The following SOX5 variants were observed in gnomAD, a reference collection of about 807,000 sequenced individuals.
SOX5 encodes the protein transcription factor SOX-5.
SOX5 carries 9 observed loss-of-function variants against 92.0 expected under a neutral mutation model. The ratio of observed to expected loss-of-function variants is 0.10; its 90% CI spans 0.06 to 0.17. The LOEUF (loss-of-function observed/expected upper bound fraction) is 0.17, where lower values mean the gene tolerates loss of function less well. Ranked by LOEUF, SOX5 falls within the 10% of genes least tolerant of loss-of-function variation. The pLI, the probability that SOX5 is intolerant of heterozygous loss-of-function variation, is 1.00. For synonymous variants in SOX5, 344 were observed against 336.3 expected, an observed-to-expected ratio of 1.02 and a Z score of -0.25; for missense variants, 642 against 944.5, an observed-to-expected ratio of 0.68 and a Z score of 4.20.
At position 23,825,090 on chromosome 12, in the gene SOX5, G is replaced by A. The variant is rs2096204081; in HGVS notation, c.481+20893C>T. ...TCCCTAGCTTCAGCCCCCTTTCCAG[G>A]GGGAGTGAACGGTTCTGTCTCTCTG... On this transcript the variant is annotated intron_variant, in intron 3 of 14. Coordinates refer to ENST00000451604, the MANE Select transcript of SOX5 (RefSeq NM_006940.6). Among the ~76,000 whole-genome samples the A allele has an allele frequency of 4.6e-5, 7 of 152,082 alleles. No homozygotes were observed. The South Asian group carries it at 1.5e-3, about 32-fold the overall frequency.
In SOX5 at chr12:23,552,860, C is replaced by T. The variant is rs183519367; in HGVS notation, c.1489-6436G>A. ...TTGAATGATAGGCCCTTTTCATTTT[C>T]TTTCAAACCTTCAATTCTATGATTT... On this transcript the variant is annotated intron_variant, in intron 11 of 14. Coordinates refer to ENST00000451604, the MANE Select transcript of SOX5 (RefSeq NM_006940.6). Among the ~76,000 whole-genome samples, 677 of 152,006 alleles carry T rather than the reference C, an allele frequency of 4.5e-3. 1 individual carries two copies. The highest frequency in any genetic ancestry group is 7.5e-3 in the Non-Finnish European group (506 of 67,844).
intron 2 of SOX5, among the ~76,000 whole-genome samples, chr12:24,300,356 G>T (rs1197882630): frequency 1.3e-5 from 2 of 152,158 alleles, no homozygotes; most frequent in African/African-American, 2.4e-5. Context: ...CTTAAAAATG[G>T]TGTTAAATGC....
chr12:24,346,254 G>A (rs1209151133), intron 2 of SOX5, among the ~76,000 whole-genome samples: 1 of 152,152 alleles, frequency 6.6e-6, no homozygotes, highest in East Asian at 1.9e-4. Flanking sequence ...GGTAAGAAAA[G>A]TCAGATGAGA....
chr12:23,543,900 A>G (rs1942622650), intron 12 of SOX5, among the ~76,000 whole-genome samples: 2 of 152,220 alleles, frequency 1.3e-5, no homozygotes, highest in African/African-American at 4.8e-5. Flanking sequence ...TTTGAGGTTA[A>G]AAACAATATA....
intron 4 of SOX5, among the ~76,000 whole-genome samples, chr12:24,060,700 C>T (rs17485141): frequency 0.24 from 37,137 of 151,968 alleles, 4,883 homozygotes; most frequent in Non-Finnish European, 0.29. Flanking sequence ...AGGTATGGAC[C>T]CACTCAAGCC....
At chr12:23,831,377 G>T (rs986140718) in intron 3 of SOX5, among the ~76,000 whole-genome samples, 2 of 151,918 alleles carry the variant, frequency 1.3e-5, no homozygotes, top group Non-Finnish European at 1.5e-5. Context: ...TCCCACAAAT[G>T]GTACAGGTGG....
intron 4 of SOX5, among the ~76,000 whole-genome samples, chr12:24,149,615 T>G (rs964679619): frequency 6.6e-6 from 1 of 152,168 alleles, no homozygotes; most frequent in African/African-American, 2.4e-5. Context: ...GGCAGTTTCA[T>G]AAAAAGTTAT....
chr12:24,261,335 C>G (rs1239748853), intron 3 of SOX5, among the ~76,000 whole-genome samples: 2 of 152,172 alleles, frequency 1.3e-5, no homozygotes. Flanking sequence ...CCATTAAGGA[C>G]TTTGTAGCAA....
At chr12:24,205,716 A>T (rs1594248029) in intron 4 of SOX5, among the ~76,000 whole-genome samples, 1 of 152,212 alleles carries the variant, frequency 6.6e-6, no homozygotes, top group Admixed American at 6.5e-5. Context: ...CGGTGGCTTC[A>T]ATGGTTTCCA....
At chr12:23,730,436 CAT>C (rs1304714281) in intron 6 of SOX5, among the ~76,000 whole-genome samples, 1 of 152,118 alleles carries the variant, frequency 6.6e-6, no homozygotes, top group African/African-American at 2.4e-5. Context: ...TTAAGAGTCT[CAT>C]AGAAAAGTGG....
chr12:23,972,314 T>A (rs1948433165), intron 4 of SOX5, among the ~76,000 whole-genome samples: 1 of 152,128 alleles, frequency 6.6e-6, no homozygotes, highest in African/African-American at 2.4e-5. Flanking sequence ...AATATCCTGG[T>A]CAGATTCCTA....
intron 4 of SOX5, among the ~76,000 whole-genome samples, chr12:23,963,262 AAC>A (rs1947159666): frequency 6.6e-6 from 1 of 152,188 alleles, no homozygotes; most frequent in African/African-American, 2.4e-5. Flanking sequence ...ATGCTGACAA[AAC>A]ACAGGAGAAT....
At chr12:24,190,414 T>C (rs1956407341) in intron 4 of SOX5, among the ~76,000 whole-genome samples, 1 of 152,194 alleles carries the variant, frequency 6.6e-6, no homozygotes, top group Non-Finnish European at 1.5e-5. Flanking sequence ...AGACACAAAA[T>C]ATTTCTTAAA....
chr12:23,948,413 T>C (rs1461739943), intron 1 of SOX5, among the ~76,000 whole-genome samples: 1 of 152,126 alleles, frequency 6.6e-6, no homozygotes, highest in East Asian at 1.9e-4. Context: ...TTGTCCTTTC[T>C]TTTTTCGTCT....
intron 4 of SOX5, among the ~76,000 whole-genome samples, chr12:24,041,846 A>T (rs780900933): frequency 6.6e-6 from 1 of 152,134 alleles, no homozygotes; most frequent in Non-Finnish European, 1.5e-5. Flanking sequence ...GTGACAGATG[A>T]CAAACTAATA....
chr12:23,691,845 T>C (rs1483167323), intron 6 of SOX5, among the ~76,000 whole-genome samples: 1 of 152,192 alleles, frequency 6.6e-6, no homozygotes, highest in Non-Finnish European at 1.5e-5. Context: ...ACTATATATT[T>C]GCCTCTTAGT....
rs1334585861 is a variant in SOX5 at position 24,307,507 on chromosome 12, A to C, written c.-173-30195T>G. On this transcript the variant is annotated intron_variant, in intron 2 of 4. Transcript: ENST00000446891. The stretch of plus-strand genomic sequence containing the variant: ...GAAGGAAGGAAGGAAGGAAGGAAGG[A>C]AGGAAGGAAGGCCGGCCCCCCCACC... Among the ~76,000 whole-genome samples the C allele has an allele frequency of 7.9e-4, 27 of 34,010 alleles. 1 individual carries two copies. Among genetic ancestry groups the C allele is most frequent in the South Asian group, 1.7e-3 (1 of 596 alleles). The allele number at this position is 34,010 out of a possible 152,430, so 22.3% of individuals were successfully genotyped here.
intron 10 of SOX5, among the ~76,000 whole-genome samples, chr12:23,567,288 T>C (rs796141704): frequency 1.3e-5 from 2 of 152,142 alleles, no homozygotes; most frequent in South Asian, 4.1e-4. Flanking sequence ...TGGGAGGGCA[T>C]GTGTATAGGA....
chr12:23,569,935 C>T (rs1317540376), intron 10 of SOX5, among the ~76,000 whole-genome samples: 1 of 152,120 alleles, frequency 6.6e-6, no homozygotes, highest in Non-Finnish European at 1.5e-5. Context: ...ATCTATTATT[C>T]CTTTGGCCCA....
Sources: gnomAD v4.1 joint callset for allele counts (sites outside exome capture counted in the v4.1 genomes callset) on GRCh38, gnomAD v4.1.1 for gene constraint, MANE v1.5 for transcripts, NCBI Gene and HGNC (gene_info 2026-07-23, HGNC 2026-07-21) for gene names.